The following UNC5B variants were observed in gnomAD, a reference collection of about 807,000 sequenced individuals.
UNC5B encodes unc-5 netrin receptor B.
In UNC5B, 56 loss-of-function variants were observed where a neutral mutation model predicts 103.7. The observed-to-expected ratio is 0.54, with a 90% CI of 0.44 to 0.67. The LOEUF (loss-of-function observed/expected upper bound fraction) is 0.67, where lower values mean the gene tolerates loss of function less well. Ranked by LOEUF, UNC5B falls within the 30% of genes least tolerant of loss-of-function variation. The pLI is 0.00. For synonymous variants in UNC5B, 577 were observed against 542.0 expected (o/e 1.06, Z -0.90); for missense variants, 1,194 against 1,284.5 (o/e 0.93, Z 1.08).
rs1197780490 is a variant in UNC5B at position 71,224,364 on chromosome 10, G to GACGCACACACACACACAC, written c.79+11302_79+11303insGCACACACACACACACAC. On this transcript the variant is annotated intron_variant, in intron 1 of 16. Transcript: ENST00000335350. ...CTGGTCCATCCCACTTCTGTATGTA[G>GACGCACACACACACACAC]ACACACACACACACACACACACACA... is the stretch of plus-strand genomic sequence containing the variant. Among the ~76,000 whole-genome samples the GACGCACACACACACACAC allele has an allele frequency of 1.6e-4, 16 of 97,348 alleles. 2 individuals carry two copies. The highest frequency in any genetic ancestry group is 3.4e-4 in the African/African-American group (9 of 26,196). The allele number at this position is 97,348 out of a possible 152,430, so 63.9% of individuals were successfully genotyped here.
intron 14 of UNC5B, 49 bp downstream of exon 14, chr10:71,296,009 C>G (rs190126183): frequency 1.2e-6 from 2 of 1,610,314 alleles, no homozygotes; most frequent in Non-Finnish European, 1.7e-6. Flanking sequence ...AAGGGCTGCC[C>G]GGGAAGCCCA....
intron 2 of UNC5B, among the ~76,000 whole-genome samples, chr10:71,283,229 G>T (rs1352789927): frequency 6.6e-6 from 1 of 152,176 alleles, no homozygotes; most frequent in Admixed American, 6.5e-5. Flanking sequence ...CTTGGTGCCT[G>T]CCACCTACCC....
chr10:71,292,537 C>T lies in UNC5B; in HGVS notation c.1755C>T (p.Asn585=), dbSNP rs776848817. Residue 585 remains asparagine, a synonymous_variant, in exon 11 of 17, where the codon AAC becomes AAT. Transcript: ENST00000335350. ...TCTACGAGATGTATCTACTCATCAA[C>T]AAGGCAGAAAGTACCCTGTGAGTAG... is the stretch of plus-strand genomic sequence containing the variant. The part of the protein sequence containing the change: ...GKFYEMYLLI[N]KAESTLPLSE... The T allele has an allele frequency of 6.2e-7, 1 of 1,604,546 alleles. No homozygotes were observed. The highest frequency in any genetic ancestry group is 1.7e-5 in the Admixed American group (1 of 58,836).
intron 13 of UNC5B, among the ~76,000 whole-genome samples, 178 bp from the exon 14 acceptor site, chr10:71,295,633 G>C (rs757735713): frequency 6.6e-6 from 1 of 152,158 alleles, no homozygotes; most frequent in Non-Finnish European, 1.5e-5. Flanking sequence ...CTTTCCCACT[G>C]TCTGTCTATC....
At chr10:71,230,962 C>T (rs951004692) in intron 1 of UNC5B, among the ~76,000 whole-genome samples, 1 of 152,172 alleles carries the variant, frequency 6.6e-6, no homozygotes, top group Admixed American at 6.5e-5. Context: ...ATGGGCTTGA[C>T]AGCAGCAAGC....
chr10:71,253,364 C>T (rs943869853), intron 1 of UNC5B, among the ~76,000 whole-genome samples: 5 of 152,248 alleles, frequency 3.3e-5, no homozygotes, highest in African/African-American at 1.2e-4. Context: ...GTGTCCTTCC[C>T]TTCCCCCGAC....
Position 71,213,308 on chromosome 10 carries a change from C to T in UNC5B, c.79+244C>T, listed in dbSNP as rs1184415579. Among the ~76,000 whole-genome samples the T allele has an allele frequency of 1.3e-5, 2 of 152,162 alleles. No individual in the cohort carries two copies. Among genetic ancestry groups the T allele is most frequent in the Non-Finnish European group, 2.9e-5 (2 of 68,030 alleles). ...GTCCCTGCTCGCTCCTGAAAGGGATCCCTTCTTCTCCCTGGAAGGGGTGTA... is the reference window on the plus strand; with the variant it reads ...GTCCCTGCTCGCTCCTGAAAGGGATTCCTTCTTCTCCCTGGAAGGGGTGTA... On this transcript the variant is annotated intron_variant, in intron 1 of 16. Coordinates refer to ENST00000335350, the MANE Select transcript of UNC5B (RefSeq NM_170744.5). The surrounding 1 kb of genome is among the most constrained non-coding windows in gnomAD (Gnocchi z 4.1).
At chr10:71,281,269 A>G (rs1844919448) in intron 2 of UNC5B, among the ~76,000 whole-genome samples, 1 of 152,238 alleles carries the variant, frequency 6.6e-6, no homozygotes, top group South Asian at 2.1e-4. Flanking sequence ...GTATTTTACC[A>G]CAATTTAAAC....
In UNC5B at chr10:71,232,676, C is replaced by T. The variant is rs529309972; in HGVS notation, c.79+19612C>T. On this transcript the variant is annotated intron_variant, in intron 1 of 16. Coordinates refer to ENST00000335350, the MANE Select transcript of UNC5B (RefSeq NM_170744.5). ...TTGGTTAAGAAGGAGCTCTTACTGC[C>T]GATTTATTAGTTGCCGCCTGCCTAG... Among the ~76,000 whole-genome samples the T allele has an allele frequency of 4.6e-5, 7 of 152,338 alleles. No individual in the cohort carries two copies. In the South Asian group the frequency reaches 1.2e-3, roughly 27 times the overall value.
At chr10:71,277,464 C>T (rs1844799361) in intron 1 of UNC5B, among the ~76,000 whole-genome samples, 1 of 152,226 alleles carries the variant, frequency 6.6e-6, no homozygotes, top group African/African-American at 2.4e-5. Flanking sequence ...TGGAGCCTGG[C>T]AGGTTCTCTG....
At chr10:71,246,821 G>A (rs1844048626) in intron 1 of UNC5B, among the ~76,000 whole-genome samples, 1 of 152,204 alleles carries the variant, frequency 6.6e-6, no homozygotes, top group Admixed American at 6.5e-5. Context: ...AGAGAGGGGA[G>A]CAGAGGGCGG....
chr10:71,285,600 G>A (rs181439617), intron 4 of UNC5B, among the ~76,000 whole-genome samples, 171 bp downstream of exon 4: 87 of 152,292 alleles, frequency 5.7e-4, no homozygotes, highest in Non-Finnish European at 1.0e-3. Context: ...TCTGTCGAAC[G>A]CAGCAATGCC....
rs1845098608 is a variant in UNC5B, at chr10:71,286,819, A to C, written c.683A>C (p.Lys228Thr). The C allele has an allele frequency of 2.5e-6, 4 of 1,614,194 alleles. No individual in the cohort carries two copies. Among genetic ancestry groups the C allele is most frequent in the Middle Eastern group, 1.7e-4 (1 of 6,060 alleles). ...SDTANYTCVA[K>T]NIVAKRRSTT... ...ACTGCCAACTATACCTGCGTGGCCA[A>C]GAACATCGTGGCCAAACGCCGGAGC... The change falls in exon 5 of 17, where the codon AAG (lysine) becomes ACG (threonine). Residue 228 changes from lysine (K) to threonine (T), a missense_variant. Physicochemically the swap from Lys to Thr is moderately conservative, Grantham distance 78. Coordinates refer to ENST00000335350, the MANE Select transcript of UNC5B (RefSeq NM_170744.5).
At chr10:71,278,132 T>C (rs1398875369) in intron 1 of UNC5B, among the ~76,000 whole-genome samples, 1 of 152,180 alleles carries the variant, frequency 6.6e-6, no homozygotes, top group Non-Finnish European at 1.5e-5. Flanking sequence ...TAAAATGGGG[T>C]CTAATAGAAC....
chr10:71,244,585 G>A (rs944679896), intron 1 of UNC5B, among the ~76,000 whole-genome samples: 18 of 152,218 alleles, frequency 1.2e-4, no homozygotes, highest in Admixed American at 6.5e-5. Context: ...TCTTTCTGAG[G>A]CTAGCCGGGG....
chr10:71,254,036 G>A (rs1021228480), intron 1 of UNC5B, among the ~76,000 whole-genome samples: 1 of 152,182 alleles, frequency 6.6e-6, no homozygotes, highest in African/African-American at 2.4e-5. Context: ...AGGGGGAAAC[G>A]GATGCCTAGT....
chr10:71,219,320 A>G (rs1170461522), intron 1 of UNC5B, among the ~76,000 whole-genome samples: 4 of 152,172 alleles, frequency 2.6e-5, no homozygotes, highest in Admixed American at 2.6e-4. Flanking sequence ...ATTAACTCAC[A>G]CGATCACAAG....
At position 71,292,469 on chromosome 10, in the gene UNC5B, G is replaced by T. The variant is rs759001409; in HGVS notation, c.1687G>T (p.Val563Phe). 5.7e-6 allele frequency: 9 copies of T among 1,592,846 alleles called. 1 individual carries two copies. In the South Asian group the frequency reaches 1.0e-4, roughly 18 times the overall value. ...GGRLSIPGTGVSLLVPNGAIP... is the reference protein window; with the variant it reads ...GGRLSIPGTGFSLLVPNGAIP... ...TGCTGACTTCCCTCTCCCCCTAGGG[G>T]TCAGCTTGCTGGTGCCCAATGGAGC... is the stretch of plus-strand genomic sequence containing the variant. The change falls in exon 11 of 17, where the codon GTC (valine) becomes TTC (phenylalanine). Residue 563 changes from valine to phenylalanine, a missense_variant and splice_region_variant. Physicochemically the swap from Val to Phe is conservative, Grantham distance 50 (BLOSUM62 -1). Coordinates refer to ENST00000335350, the MANE Select transcript of UNC5B (RefSeq NM_170744.5).
chr10:71,227,599 CATACATAT>C lies in UNC5B; in HGVS notation c.79+14547_79+14554del, dbSNP rs957735935. Among the ~76,000 whole-genome samples, 32 of 142,328 alleles carry C rather than the reference CATACATAT, an allele frequency of 2.2e-4. 2 individuals carry two copies. Among genetic ancestry groups the C allele is most frequent in the Non-Finnish European group, 3.3e-4 (22 of 65,988 alleles). The allele number at this position is 142,328 out of a possible 152,430, so 93.4% of individuals were successfully genotyped here. A position where few individuals can be genotyped will look rare whatever the true frequency, so the allele number is the denominator to read the frequency against. The stretch of plus-strand genomic sequence containing the variant: ...TAAAAATAAAAATAAATTTTGTATA[CATACATAT>C]ATACATATATATACATATATACATA... On this transcript the variant is annotated intron_variant, in intron 1 of 16. Transcript: ENST00000335350.
Sources: gnomAD v4.1 joint callset for allele counts (sites outside exome capture counted in the v4.1 genomes callset) on GRCh38, gnomAD v4.1.1 for gene constraint, Gnocchi (gnomAD v3.1) non-coding constraint, MANE v1.5 for transcripts, NCBI Gene and HGNC (gene_info 2026-07-23, HGNC 2026-07-21) for gene names.